LRIT1: variants seen among roughly 807,000 people sequenced by gnomAD.
LRIT1 encodes the protein leucine rich repeat, Ig-like and transmembrane domains 1.
In LRIT1, 23 loss-of-function variants were observed where a neutral mutation model predicts 24.0. The observed-to-expected ratio is 0.96, with a 90% CI of 0.69 to 1.36. The LOEUF (loss-of-function observed/expected upper bound fraction) is 1.36. Ranked by LOEUF, LRIT1 falls within the 40% of genes most tolerant of loss-of-function variation. The pLI is 0.00. For synonymous variants in LRIT1, 361 were observed against 340.5 expected (o/e 1.06, Z -0.66); for missense variants, 846 against 806.3 (o/e 1.05, Z -0.60).
At position 84,232,439 on chromosome 10, in the gene LRIT1, T is replaced by C. The variant is rs150714287; in HGVS notation, c.1360A>G (p.Lys454Glu). The C allele has an allele frequency of 1.6e-4, 251 of 1,614,056 alleles. 1 individual carries two copies. The highest frequency in any genetic ancestry group is 9.8e-5 in the Non-Finnish European group (116 of 1,180,044). ...AGGACACTGAAGGCAGTTGTGTTCT[T>C]AGCCTGGGGTGCCTTCCACACCAAG... ...VSLVWKAPQAKNTTAFSVLYA... is the reference protein window; with the variant it reads ...VSLVWKAPQAENTTAFSVLYA... Residue 454 changes from lysine to glutamate, a missense_variant, in exon 4 of 4, where the codon AAG becomes GAG. Lys to Glu is a moderately conservative substitution (Grantham distance 56). Transcript: ENST00000372105.
At chr10:84,238,335 A>AC (rs1842669108) in intron 1 of LRIT1, among the ~76,000 whole-genome samples, 1 of 151,740 alleles carries the variant, frequency 6.6e-6, no homozygotes, top group Non-Finnish European at 1.5e-5. Flanking sequence ...AGCCTGGGTG[A>AC]CACAGCAAGA....
In LRIT1 at chr10:84,241,532, G is replaced by C; in HGVS notation, c.-93C>G. On this transcript the variant is annotated 5_prime_UTR_variant, in exon 1 of 4. Transcript: ENST00000372105. Reference sequence around the variant, plus strand: ...AAGCTCAGCAGCTGCCCACTTGCTCGCCAGCCCCTTACACCCCCTCCTGAG... The same window carrying C: ...AAGCTCAGCAGCTGCCCACTTGCTCCCCAGCCCCTTACACCCCCTCCTGAG... 1 of 1,327,520 alleles carries C rather than the reference G, an allele frequency of 7.5e-7. No individual in the cohort carries two copies. Among genetic ancestry groups the C allele is most frequent in the Admixed American group, 3.0e-5 (1 of 33,702 alleles). 82.2% of individuals were successfully genotyped at this position (1,327,520 alleles called of 1,614,324 possible).
chr10:84,240,669 C>G (rs542004872), intron 1 of LRIT1, among the ~76,000 whole-genome samples: 23 of 152,194 alleles, frequency 1.5e-4, no homozygotes, highest in African/African-American at 5.5e-4. Context: ...TCTGAGGGAT[C>G]AGACAGAGGG....
chr10:84,234,026 C>T, intron 3 of LRIT1, 47 bp downstream of exon 3: 1 of 1,381,074 alleles, frequency 7.2e-7, no homozygotes, highest in Non-Finnish European at 9.4e-7. Flanking sequence ...GCTGCTTTGC[C>T]CTCCCCAGTC....
At chr10:84,240,590 G>T (rs558591496) in intron 1 of LRIT1, among the ~76,000 whole-genome samples, 1 of 152,294 alleles carries the variant, frequency 6.6e-6, no homozygotes, top group South Asian at 2.1e-4. Context: ...TAGTGGAAGA[G>T]CAAGGGTCCA....
At chr10:84,235,378 G>C (rs1376809871) in intron 2 of LRIT1, among the ~76,000 whole-genome samples, 1 of 152,074 alleles carries the variant, frequency 6.6e-6, no homozygotes, top group Non-Finnish European at 1.5e-5. Flanking sequence ...CGCACTTAAT[G>C]ATACATCTGC....
At position 84,232,858 on chromosome 10, in the gene LRIT1, C is replaced by A. The variant is rs140717731; in HGVS notation, c.941G>T (p.Gly314Val). 17 of 1,612,920 alleles carry A rather than the reference C, an allele frequency of 1.1e-5. No homozygotes were observed. In the African/African-American group the frequency reaches 1.5e-4, roughly 14 times the overall value. Residue 314 changes from glycine (G) to valine (V), a missense_variant, in exon 4 of 4, where the codon GGC (glycine) becomes GTC (valine). Transcript: ENST00000372105. Reference protein sequence around the residue: ...SSDGTSWTLLGLPAVSHLDSG... With the variant: ...SSDGTSWTLLVLPAVSHLDSG... The stretch of plus-strand genomic sequence containing the variant: ...GTCAAGGTGGGACACTGCAGGCAGG[C>A]CCAGCAGAGTCCAGCTCGTGCCGTC...
In LRIT1 at chr10:84,232,431, T is replaced by C. The variant is rs1359312926; in HGVS notation, c.1368A>G (p.Thr456=). 2.5e-6 allele frequency: 4 copies of C among 1,614,036 alleles called. No individual in the cohort carries two copies. In the African/African-American group the frequency reaches 4.0e-5, roughly 16 times the overall value. The part of the protein sequence containing the change: ...LVWKAPQAKN[T]TAFSVLYAVF... ...CCGCGTAGAGGACACTGAAGGCAGT[T>C]GTGTTCTTAGCCTGGGGTGCCTTCC... Residue 456 remains threonine (T), a synonymous_variant, in exon 4 of 4, where the codon ACA becomes ACG. Transcript: ENST00000372105.
intron 1 of LRIT1, among the ~76,000 whole-genome samples, chr10:84,237,971 C>T (rs777097816): frequency 6.6e-6 from 1 of 152,218 alleles, no homozygotes; most frequent in Non-Finnish European, 1.5e-5. Flanking sequence ...CCCATAACAG[C>T]CCGCAGCACC....
At position 84,241,496 on chromosome 10, in the gene LRIT1, A is replaced by C. The variant is rs367589458; in HGVS notation, c.-57T>G. On this transcript the variant is annotated 5_prime_UTR_variant, in exon 1 of 4. Transcript: ENST00000372105. ...GCCTGTCCCTGGACCGCTCCGTCCC[A>C]CCGGCCCAGCAAGCTCAGCAGCTGC... The C allele has an allele frequency of 2.3e-3, 2,568 of 1,094,992 alleles. 34 individuals carry two copies. In the African/African-American group the frequency reaches 0.07, roughly 30 times the overall value. The allele number at this position is 1,094,992 out of a possible 1,614,324, so 67.8% of individuals were successfully genotyped here.
At chr10:84,236,409 T>C (rs1192365166) in intron 2 of LRIT1, among the ~76,000 whole-genome samples, 1 of 152,210 alleles carries the variant, frequency 6.6e-6, no homozygotes, top group Non-Finnish European at 1.5e-5. Context: ...AAATAAACTA[T>C]AGTATAAATA....
At chr10:84,236,412 T>C (rs918138569) in intron 2 of LRIT1, among the ~76,000 whole-genome samples, 1 of 152,192 alleles carries the variant, frequency 6.6e-6, no homozygotes, top group Admixed American at 6.5e-5. Context: ...TAAACTATAG[T>C]ATAAATATGT....
intron 3 of LRIT1, 53 bp downstream of exon 3, chr10:84,234,020 C>A: frequency 7.3e-7 from 1 of 1,372,242 alleles, no homozygotes; most frequent in Middle Eastern, 2.8e-4. Flanking sequence ...TGGGGAGCTG[C>A]TTTGCCCTCC....
chr10:84,232,797 C>G lies in LRIT1; in HGVS notation c.1002G>C (p.Leu334=). The change falls in exon 4 of 4, where the codon CTG becomes CTC. Residue 334 remains leucine (L), a synonymous_variant. Coordinates refer to ENST00000372105, the MANE Select transcript of LRIT1 (RefSeq NM_015613.3). The part of the protein sequence containing the change: ...GDYICQAKNF[L]GASETVISLI... ...AGGAGATAACAGTTTCAGAGGCTCC[C>G]AGGAAGTTCTTGGCTTGGCAGATGT... The G allele has an allele frequency of 6.2e-7, 1 of 1,613,804 alleles. No homozygotes were observed. The highest frequency in any genetic ancestry group is 8.5e-7 in the Non-Finnish European group (1 of 1,180,030).
intron 1 of LRIT1, among the ~76,000 whole-genome samples, chr10:84,238,847 G>C (rs1842672531): frequency 6.6e-6 from 1 of 152,232 alleles, no homozygotes; most frequent in African/African-American, 2.4e-5. Context: ...GCAGAGGATA[G>C]AGAGATAATA....
chr10:84,234,653 G>A (rs953651602), intron 2 of LRIT1, among the ~76,000 whole-genome samples: 3 of 152,100 alleles, frequency 2.0e-5, no homozygotes, highest in Admixed American at 6.5e-5. Flanking sequence ...TGACAAAACC[G>A]GCAATTACTG....
At chr10:84,235,569 C>T (rs991958326) in intron 2 of LRIT1, among the ~76,000 whole-genome samples, 1 of 152,082 alleles carries the variant, frequency 6.6e-6, no homozygotes, top group Non-Finnish European at 1.5e-5. Flanking sequence ...TGAGTGTATA[C>T]GTTTTCACCT....
At chr10:84,235,030 T>C (rs1404237660) in intron 2 of LRIT1, among the ~76,000 whole-genome samples, 1 of 152,222 alleles carries the variant, frequency 6.6e-6, no homozygotes, top group Non-Finnish European at 1.5e-5. Context: ...CATGTGCATA[T>C]AAATGAGGGG....
rs780678604 is a variant in LRIT1, at chr10:84,231,771, G to A, written c.*156C>T. 14 of 726,560 alleles carry A rather than the reference G, an allele frequency of 1.9e-5. No homozygotes were observed. The highest frequency in any genetic ancestry group is 3.8e-5 in the South Asian group (2 of 52,604). The allele number at this position is 726,560 out of a possible 1,614,324, so 45.0% of individuals were successfully genotyped here. ...TAGTAAGTGCTTAACAAGTGTTAGC[G>A]GTTGTTGCAGTAGCAGCTGCTGCTG... is the stretch of plus-strand genomic sequence containing the variant. On this transcript the variant is annotated 3_prime_UTR_variant, in exon 4 of 4. Coordinates refer to ENST00000372105, the MANE Select transcript of LRIT1 (RefSeq NM_015613.3).
Sources: allele counts gnomAD v4.1 joint callset (sites outside exome capture counted in the v4.1 genomes callset), GRCh38; gene constraint gnomAD v4.1.1; transcripts MANE v1.5; gene names NCBI Gene and HGNC (gene_info 2026-07-23, HGNC 2026-07-21).